GRIK1: variants seen among roughly 807,000 people sequenced by gnomAD.
GRIK1 encodes glutamate ionotropic receptor kainate type subunit 1.
GRIK1 carries 69 observed loss-of-function variants against 105.7 expected under a neutral mutation model. The ratio of observed to expected loss-of-function variants is 0.65; its 90% CI spans 0.54 to 0.80. The LOEUF is 0.80. Ranked by LOEUF, GRIK1 falls within the 30% of genes least tolerant of loss-of-function variation. The pLI is 0.00. For missense variants in GRIK1, 1,109 were observed against 1,167.3 expected (o/e 0.95, Z 0.73); for synonymous variants, 438 against 431.3 (o/e 1.02, Z -0.19).
chr21:29,550,135 AG>A (rs2090109848), intron 16 of GRIK1, among the ~76,000 whole-genome samples: 1 of 147,884 alleles, frequency 6.8e-6, no homozygotes, highest in African/African-American at 2.5e-5. Flanking sequence ...AAAAAAAAAA[AG>A]TGTGAAGAAA....
chr21:29,912,855 G>A (rs2070866847), intron 1 of GRIK1, among the ~76,000 whole-genome samples: 1 of 151,996 alleles, frequency 6.6e-6, no homozygotes. Flanking sequence ...GCAATATCAA[G>A]TAATAGCTAC....
intron 1 of GRIK1, among the ~76,000 whole-genome samples, chr21:29,761,750 G>GTT (rs1405224063): frequency 1.1e-5 from 1 of 92,158 alleles, no homozygotes. Flanking sequence ...TCTTTCTTTC[G>GTT]TTCTTTTTTT....
chr21:29,914,182 A>C (rs1490722247), intron 1 of GRIK1, among the ~76,000 whole-genome samples: 1 of 152,066 alleles, frequency 6.6e-6, no homozygotes, highest in African/African-American at 2.4e-5. Context: ...ACAATAAAAA[A>C]TGCCACCACA....
chr21:29,746,058 C>A (rs1392078787), intron 1 of GRIK1, among the ~76,000 whole-genome samples: 1 of 151,926 alleles, frequency 6.6e-6, no homozygotes, highest in Admixed American at 6.6e-5. Flanking sequence ...GAGCCAAGAT[C>A]GCGCCACTGC....
chr21:29,753,378 T>C (rs2065253890), intron 1 of GRIK1, among the ~76,000 whole-genome samples: 1 of 152,208 alleles, frequency 6.6e-6, no homozygotes, highest in Admixed American at 6.5e-5. Flanking sequence ...TTGGCTTCCT[T>C]GGCTGCCTGT....
chr21:29,761,753 C>CTT (rs57193884), intron 1 of GRIK1, among the ~76,000 whole-genome samples: 31,370 of 138,482 alleles, frequency 0.23, 3,761 homozygotes, highest in Non-Finnish European at 0.27. Flanking sequence ...TTCTTTCGTT[C>CTT]TTTTTTTTTT....
At chr21:29,568,894 T>G (rs2146205320) in intron 14 of GRIK1, among the ~76,000 whole-genome samples, 2 of 152,350 alleles carry the variant, frequency 1.3e-5, no homozygotes, top group Middle Eastern at 6.8e-3. Context: ...AAATATCAAT[T>G]GAGCTGAATT....
chr21:29,684,001 C>T (rs1271292883), intron 3 of GRIK1, among the ~76,000 whole-genome samples: 2 of 152,222 alleles, frequency 1.3e-5, no homozygotes, highest in African/African-American at 4.8e-5. Flanking sequence ...TTTTCTAGAG[C>T]ACTTCCCTGG....
At chr21:29,902,688 G>T (rs976958878) in intron 1 of GRIK1, among the ~76,000 whole-genome samples, 4 of 152,160 alleles carry the variant, frequency 2.6e-5, no homozygotes, top group Non-Finnish European at 5.9e-5. Flanking sequence ...TGGATAGGAA[G>T]AATCAATATC....
chr21:29,595,581 C>G (rs917012853), intron 9 of GRIK1, among the ~76,000 whole-genome samples: 2 of 152,084 alleles, frequency 1.3e-5, no homozygotes, highest in Non-Finnish European at 2.9e-5. Context: ...CTTGTGTACA[C>G]TTTCTGTGAC....
intron 7 of GRIK1, among the ~76,000 whole-genome samples, chr21:29,609,190 T>A (rs1601254825): frequency 6.6e-6 from 1 of 151,644 alleles, no homozygotes; most frequent in East Asian, 1.9e-4. Flanking sequence ...CATATCTTAT[T>A]AAAAGAATAA....
intron 14 of GRIK1, among the ~76,000 whole-genome samples, chr21:29,574,896 G>A (rs1255602232): frequency 1.3e-5 from 2 of 151,354 alleles, no homozygotes; most frequent in Admixed American, 1.3e-4. Context: ...GGGTTTCACC[G>A]TGTTAGCCAG....
intron 12 of GRIK1, among the ~76,000 whole-genome samples, chr21:29,585,706 C>G (rs987079816): frequency 6.6e-6 from 1 of 152,182 alleles, no homozygotes; most frequent in Non-Finnish European, 1.5e-5. Flanking sequence ...CACAAGATTA[C>G]TTATTAGAAG....
chr21:29,585,761 G>C (rs530654150), intron 12 of GRIK1, among the ~76,000 whole-genome samples: 42 of 152,296 alleles, frequency 2.8e-4, no homozygotes, highest in South Asian at 6.2e-4. Flanking sequence ...CCATTCCGAG[G>C]CAATATTAAC....
At chr21:29,724,292 G>C (rs191137115) in intron 1 of GRIK1, among the ~76,000 whole-genome samples, 45 of 152,260 alleles carry the variant, frequency 3.0e-4, no homozygotes, top group African/African-American at 1.0e-3. Flanking sequence ...TGGGGAAAAA[G>C]ACCTACATCA....
intron 1 of GRIK1, among the ~76,000 whole-genome samples, chr21:29,939,098 G>C (rs969675801): frequency 2.0e-5 from 3 of 152,102 alleles, no homozygotes; most frequent in Non-Finnish European, 4.4e-5. Flanking sequence ...CAGAGTAGGG[G>C]TGCCGGTCCC....
intron 17 of GRIK1, 66 bp downstream of exon 17, chr21:29,537,732 T>C (rs759990687): frequency 1.2e-6 from 1 of 841,752 alleles, no homozygotes; most frequent in Non-Finnish European, 2.1e-6. Context: ...ACTGAGATGA[T>C]CCAAACATTG....
intron 1 of GRIK1, among the ~76,000 whole-genome samples, chr21:29,909,410 A>C (rs1432858948): frequency 6.6e-6 from 1 of 151,814 alleles, no homozygotes; most frequent in Non-Finnish European, 1.5e-5. Flanking sequence ...TCTGGTCATT[A>C]ATATGTAATT....
intron 1 of GRIK1, 111 bp downstream of exon 1, chr21:29,939,272 C>A: frequency 1.5e-6 from 1 of 665,880 alleles, no homozygotes. Flanking sequence ...TCCACCTTCC[C>A]CAGCTCCGGC....
Sources: gnomAD v4.1 joint callset for allele counts (sites outside exome capture counted in the v4.1 genomes callset) on GRCh38, gnomAD v4.1.1 for gene constraint, MANE v1.5 for transcripts, NCBI Gene and HGNC (gene_info 2026-07-23, HGNC 2026-07-21) for gene names.